IRAG1: variants seen among roughly 807,000 people sequenced by gnomAD.
IRAG1 encodes inositol 1,4,5-triphosphate receptor associated 1.
IRAG1 carries 62 observed loss-of-function variants against 106.2 expected under a neutral mutation model. The observed-to-expected ratio is 0.58, with a 90% confidence interval of 0.48 to 0.72. IRAG1 has a LOEUF of 0.72. Ranked by LOEUF, IRAG1 falls within the 30% of genes least tolerant of loss-of-function variation. The probability of loss-of-function intolerance (pLI) is 0.00; values close to 1 mark genes in which losing one functional copy is unlikely to be tolerated. For missense variants in IRAG1, 1,064 were observed against 1,140.7 expected (o/e 0.93, Z 0.97); for synonymous variants, 462 against 443.9 (o/e 1.04, Z -0.51).
At chr11:10,616,502 A>C (rs891305204) in intron 10 of IRAG1, among the ~76,000 whole-genome samples, 8 of 152,058 alleles carry the variant, frequency 5.3e-5, no homozygotes, top group Non-Finnish European at 1.2e-4. Context: ...AAATTGAATT[A>C]AAACTCATAC....
At chr11:10,629,252 G>A (rs1360779914) in intron 5 of IRAG1, among the ~76,000 whole-genome samples, 1 of 152,164 alleles carries the variant, frequency 6.6e-6, no homozygotes, top group Non-Finnish European at 1.5e-5. Context: ...AGTGACTCTA[G>A]CATAGAGGAA....
At chr11:10,675,125 G>T (rs903470460) in intron 1 of IRAG1, among the ~76,000 whole-genome samples, 3 of 152,212 alleles carry the variant, frequency 2.0e-5, no homozygotes, top group Non-Finnish European at 2.9e-5. Context: ...CCCTGGCTGT[G>T]CACCATTTGG....
At position 10,626,059 on chromosome 11, in the gene IRAG1, C is replaced by T; in HGVS notation, c.1275G>A (p.Lys425=). ...LAEEEKRFAG[K]AGGKLAKAPG... ...GGGCCTTGGCCAGCTTGCCGCCGGC[C>T]TTGCCTGCAAAACGCTTTTCTTCCT... is the stretch of plus-strand genomic sequence containing the variant. The change falls in exon 9 of 21, where the codon AAG becomes AAA. Residue 425 remains lysine (K), a synonymous_variant. Coordinates refer to ENST00000423302, the MANE Select transcript of IRAG1 (RefSeq NM_130385.4). The T allele has an allele frequency of 1.3e-6, 2 of 1,527,140 alleles. No individual in the cohort carries two copies. The highest frequency in any genetic ancestry group is 1.8e-6 in the Non-Finnish European group (2 of 1,137,370). The allele number at this position is 1,527,140 out of a possible 1,614,324, so 94.6% of individuals were successfully genotyped here.
intron 2 of IRAG1, among the ~76,000 whole-genome samples, chr11:10,636,388 G>A (rs913901289): frequency 2.3e-4 from 35 of 152,228 alleles, no homozygotes; most frequent in Admixed American, 2.0e-3. Context: ...TGTTGGCCAG[G>A]CTGGTCTTGA....
Position 10,603,111 on chromosome 11 carries a change from G to A in IRAG1, c.1875+9C>T, listed in dbSNP as rs76355179. ...AGAGTTGGCAAGACCGGGGGCTGGA[G>A]AGACTCACCTGGCGGACGGCGCCTA... On this transcript the variant is annotated intron_variant, in intron 14 of 20. Transcript: ENST00000423302. 33 of 1,607,918 alleles carry A rather than the reference G, an allele frequency of 2.1e-5. 1 individual carries two copies. In the South Asian group the frequency reaches 2.4e-4, roughly 12 times the overall value.
intron 18 of IRAG1, among the ~76,000 whole-genome samples, chr11:10,583,613 G>C (rs1347527687): frequency 6.6e-6 from 1 of 152,196 alleles, no homozygotes; most frequent in Non-Finnish European, 1.5e-5. Context: ...GAGAGTAGAG[G>C]GGTGTGTTGG....
rs1859756016 is a variant in IRAG1, at chr11:10,665,976, G to C, written c.68-13794C>G. 6.6e-6 allele frequency among the ~76,000 whole-genome samples: 1 copy of C among 152,188 alleles called. No homozygotes were observed. The highest frequency in any genetic ancestry group is 2.4e-5 in the African/African-American group (1 of 41,436). ...AATGGCAGGGGTGGGTGGAAGCCGG[G>C]AGGGTAGAGCCTGGGAATGGCTCTC... On this transcript the variant is annotated intron_variant, in intron 1 of 20. Coordinates refer to ENST00000423302, the MANE Select transcript of IRAG1 (RefSeq NM_130385.4). The surrounding 1 kb of genome is among the most constrained non-coding windows in gnomAD (Gnocchi z 4.2).
At chr11:10,663,786 A>C (rs576183740) in intron 1 of IRAG1, among the ~76,000 whole-genome samples, 1 of 152,318 alleles carries the variant, frequency 6.6e-6, no homozygotes, top group South Asian at 2.1e-4. Flanking sequence ...CACTTTTCAC[A>C]TGGCCTACTA....
At position 10,628,092 on chromosome 11, in the gene IRAG1, C is replaced by A; in HGVS notation, c.653-67G>T. On this transcript the variant is annotated intron_variant, in intron 6 of 20. Transcript: ENST00000423302. The surrounding 1 kb of genome is among the most constrained non-coding windows in gnomAD (Gnocchi z 4.1). ...AGGCCCTCAGCTGTGCTTTCAGCCA[C>A]ATCTCCCTCCCCGGGCTATCCTCCC... The A allele has an allele frequency of 6.5e-7, 1 of 1,543,526 alleles. No homozygotes were observed. Among genetic ancestry groups the A allele is most frequent in the Non-Finnish European group, 8.9e-7 (1 of 1,121,844 alleles).
In IRAG1 at chr11:10,623,855, T is replaced by A. The variant is rs758039669; in HGVS notation, c.1370A>T (p.Glu457Val). ...RMQKLTKLREEHILMRNQNLV... is the reference protein window; with the variant it reads ...RMQKLTKLREVHILMRNQNLV... ...GTTCTGATTTCTCATCAGGATGTGC[T>A]CCTTTGTGGTAAAAGAAAGAGATAA... is the stretch of plus-strand genomic sequence containing the variant. Residue 457 changes from glutamate to valine, a missense_variant and splice_region_variant, in exon 10 of 21, where the codon GAG becomes GTG. Physicochemically the swap from Glu to Val is moderately radical, Grantham distance 121. Transcript: ENST00000423302. 2.2e-5 allele frequency: 36 copies of A among 1,613,630 alleles called. No individual in the cohort carries two copies. Among genetic ancestry groups the A allele is most frequent in the Non-Finnish European group, 3.0e-5 (35 of 1,179,530 alleles).
chr11:10,583,968 T>G (rs183034329), intron 18 of IRAG1, among the ~76,000 whole-genome samples: 1 of 151,958 alleles, frequency 6.6e-6, no homozygotes, highest in African/African-American at 2.4e-5. Flanking sequence ...AAAAGAGTTA[T>G]ATGAGAAAGA....
intron 1 of IRAG1, among the ~76,000 whole-genome samples, chr11:10,664,933 A>T (rs918383493): frequency 6.6e-6 from 1 of 152,218 alleles, no homozygotes; most frequent in African/African-American, 2.4e-5. Context: ...TGATCAAGCC[A>T]TGCCTGATAT....
intron 14 of IRAG1, among the ~76,000 whole-genome samples, chr11:10,602,186 C>T (rs191412654): frequency 6.6e-6 from 1 of 152,232 alleles, no homozygotes; most frequent in Non-Finnish European, 1.5e-5. Flanking sequence ...TCCTGAAGGA[C>T]ACAGGGTGGG....
Position 10,693,565 on chromosome 11 carries a change from C to T in IRAG1, c.38G>A (p.Arg13Lys), listed in dbSNP as rs1275239157. The T allele has an allele frequency of 2.6e-6, 4 of 1,535,454 alleles. No individual in the cohort carries two copies. In the African/African-American group the frequency reaches 5.5e-5, roughly 21 times the overall value. ...KAPQSEERLARGGKENNSVLA... is the reference protein window; with the variant it reads ...KAPQSEERLAKGGKENNSVLA... ...AACTGAGTTATTCTCCTTTCCTCCTCTGGCCAGCCTCTCTTCACTCTGGGG... is the reference window on the plus strand; with the variant it reads ...AACTGAGTTATTCTCCTTTCCTCCTTTGGCCAGCCTCTCTTCACTCTGGGG... The change falls in exon 1 of 21, where the codon AGA (arginine) becomes AAA (lysine). Residue 13 changes from arginine (R) to lysine (K), a missense_variant. Transcript: ENST00000423302.
chr11:10,675,266 T>G (rs879868112), intron 1 of IRAG1, among the ~76,000 whole-genome samples: 1 of 152,134 alleles, frequency 6.6e-6, no homozygotes, highest in Non-Finnish European at 1.5e-5. Flanking sequence ...TCACCCAGAG[T>G]GCCTTTGTCA....
intron 10 of IRAG1, among the ~76,000 whole-genome samples, chr11:10,622,787 C>A (rs527894888): frequency 1.3e-5 from 2 of 151,886 alleles, no homozygotes; most frequent in Admixed American, 1.3e-4. Flanking sequence ...GTTCACCTAG[C>A]CCCCTGCCAC....
At chr11:10,606,099 C>T (rs1202422825) in intron 12 of IRAG1, among the ~76,000 whole-genome samples, 2 of 152,200 alleles carry the variant, frequency 1.3e-5, no homozygotes, top group Non-Finnish European at 2.9e-5. Context: ...ATAGATACTA[C>T]CTGTGGTAGA....
At chr11:10,640,620 G>A (rs979357700) in intron 2 of IRAG1, among the ~76,000 whole-genome samples, 1 of 152,136 alleles carries the variant, frequency 6.6e-6, no homozygotes, top group African/African-American at 2.4e-5. Context: ...AAGATTCTAG[G>A]GGCCCTCTGG....
chr11:10,607,889 C>A (rs555778785), intron 11 of IRAG1, among the ~76,000 whole-genome samples: 1 of 152,292 alleles, frequency 6.6e-6, no homozygotes, highest in East Asian at 1.9e-4. Flanking sequence ...ACTTACAGTC[C>A]TTGTCACAAC....
Sources: gnomAD v4.1 joint callset for allele counts (sites outside exome capture counted in the v4.1 genomes callset) on GRCh38, gnomAD v4.1.1 for gene constraint, Gnocchi (gnomAD v3.1) non-coding constraint, MANE v1.5 for transcripts, NCBI Gene and HGNC (gene_info 2026-07-23, HGNC 2026-07-21) for gene names.